Variants in GRM8 observed in about 807,000 individuals in gnomAD.
The protein encoded by GRM8 is glutamate metabotropic receptor 8.
In GRM8, 47 loss-of-function variants were observed where a neutral mutation model predicts 87.2. The observed-to-expected ratio is 0.54, with a 90% CI of 0.43 to 0.69. GRM8 has a LOEUF of 0.69. GRM8 is among the 30% of genes least tolerant of loss of function. The pLI, the probability that GRM8 is intolerant of heterozygous loss-of-function variation, is 0.00. For missense variants in GRM8, 1,019 were observed against 1,139.2 expected, an observed-to-expected ratio of 0.89 and a Z score of 1.52; for synonymous variants, 396 against 404.5, an observed-to-expected ratio of 0.98 and a Z score of 0.25.
In GRM8 at chr7:126,711,882, G is replaced by A. The variant is rs540255575; in HGVS notation, c.1357+57983C>T. Among the ~76,000 whole-genome samples the A allele has an allele frequency of 5.3e-5, 8 of 152,292 alleles. No individual in the cohort carries two copies. In the South Asian group the frequency reaches 1.2e-3, roughly 24 times the overall value. On this transcript the variant is annotated intron_variant, in intron 7 of 10. Transcript: ENST00000339582. ...ATAGAATTGAAGAGAGCAGGGCTTC[G>A]CTCTGGATTAGGCTTTGGTATAAAG... is the stretch of plus-strand genomic sequence containing the variant.
intron 2 of GRM8, among the ~76,000 whole-genome samples, chr7:127,109,899 A>G (rs1399408912): frequency 6.6e-6 from 1 of 152,100 alleles, no homozygotes; most frequent in Admixed American, 6.5e-5. Context: ...TATCCTGCCA[A>G]AGACCCTAGG....
chr7:126,728,561 T>C (rs1383316708), intron 7 of GRM8, among the ~76,000 whole-genome samples: 2 of 152,078 alleles, frequency 1.3e-5, no homozygotes, highest in Non-Finnish European at 2.9e-5. Context: ...ATACCCACAC[T>C]GGCTCTGGAG....
chr7:127,213,557 T>C (rs1796347891), intron 2 of GRM8, among the ~76,000 whole-genome samples: 1 of 152,244 alleles, frequency 6.6e-6, no homozygotes, highest in South Asian at 2.1e-4. Flanking sequence ...GACTCCATTC[T>C]ACTGAGCTCT....
At chr7:126,483,934 T>C (rs1807048991) in intron 9 of GRM8, among the ~76,000 whole-genome samples, 1 of 151,930 alleles carries the variant, frequency 6.6e-6, no homozygotes, top group Admixed American at 6.6e-5. Context: ...TATCTGTTAA[T>C]CAAATTTCTG....
At chr7:126,581,889 T>C (rs1585117408) in intron 8 of GRM8, among the ~76,000 whole-genome samples, 1 of 152,278 alleles carries the variant, frequency 6.6e-6, no homozygotes, top group East Asian at 1.9e-4. Context: ...AACTGATAAA[T>C]GTTGTGTGTT....
In GRM8 at chr7:126,585,013, A is replaced by T. The variant is rs1327842336; in HGVS notation, c.1494+24349T>A. ...AATTGAAAATAAAATGTTATTAATC[A>T]TATAAAGAAGATCTCTGAATTCTTA... On this transcript the variant is annotated intron_variant, in intron 8 of 10. Transcript: ENST00000339582. 2.0e-5 allele frequency among the ~76,000 whole-genome samples: 3 copies of T among 152,204 alleles called. No individual in the cohort carries two copies. The East Asian group carries it at 5.8e-4, about 29-fold the overall frequency.
chr7:127,160,439 T>TAC (rs946032314), intron 2 of GRM8, among the ~76,000 whole-genome samples: 1 of 152,084 alleles, frequency 6.6e-6, no homozygotes, highest in African/African-American at 2.4e-5. Context: ...CCAAGGCCAT[T>TAC]ACCTCAGAAA....
At chr7:126,663,707 A>T (rs1172853895) in intron 7 of GRM8, among the ~76,000 whole-genome samples, 2 of 152,208 alleles carry the variant, frequency 1.3e-5, no homozygotes, top group Non-Finnish European at 2.9e-5. Context: ...CAAAAGCTGG[A>T]TACATCCCCA....
At chr7:126,987,761 C>A (rs1288037232) in intron 3 of GRM8, among the ~76,000 whole-genome samples, 1 of 152,188 alleles carries the variant, frequency 6.6e-6, no homozygotes, top group Non-Finnish European at 1.5e-5. Flanking sequence ...CGGCGCCCGG[C>A]CTTCTTGTTT....
intron 8 of GRM8, among the ~76,000 whole-genome samples, chr7:126,599,425 G>A (rs1797522600): frequency 6.6e-6 from 1 of 152,040 alleles, no homozygotes; most frequent in Non-Finnish European, 1.5e-5. Flanking sequence ...TTTTGGCCTT[G>A]TAAAGATAAC....
At chr7:126,462,952 C>T (rs1259811329) in intron 9 of GRM8, among the ~76,000 whole-genome samples, 4 of 151,606 alleles carry the variant, frequency 2.6e-5, no homozygotes, top group Non-Finnish European at 5.9e-5. Context: ...AAAATGTGTA[C>T]TCCTTCTTCC....
chr7:127,115,000 A>AAT (rs1010043602), intron 2 of GRM8, among the ~76,000 whole-genome samples: 1 of 152,112 alleles, frequency 6.6e-6, no homozygotes, highest in African/African-American at 2.4e-5. Context: ...CATGAGCCCT[A>AAT]AGAGAGAGAG....
intron 6 of GRM8, among the ~76,000 whole-genome samples, chr7:126,848,104 A>T (rs1796874197): frequency 6.6e-6 from 1 of 152,176 alleles, no homozygotes; most frequent in South Asian, 2.1e-4. Context: ...ACTTGTTCTG[A>T]CCCTTTTCTC....
chr7:126,801,775 T>C (rs1409876433), intron 6 of GRM8, among the ~76,000 whole-genome samples: 1 of 152,046 alleles, frequency 6.6e-6, no homozygotes, highest in Non-Finnish European at 1.5e-5. Flanking sequence ...GCTCACCCTT[T>C]CAGAGCGACT....
intron 10 of GRM8, among the ~76,000 whole-genome samples, chr7:126,442,935 A>C (rs1172620668): frequency 2.0e-5 from 3 of 151,996 alleles, no homozygotes; most frequent in Non-Finnish European, 4.4e-5. Flanking sequence ...GATGGCAGAT[A>C]CCTCGCAAGA....
chr7:127,119,802 C>T (rs911010371), intron 2 of GRM8, among the ~76,000 whole-genome samples: 2 of 152,282 alleles, frequency 1.3e-5, no homozygotes, highest in African/African-American at 4.8e-5. Context: ...AATGAGAACT[C>T]ACTCTCCAAT....
At chr7:127,051,716 A>G (rs1388342761) in intron 3 of GRM8, among the ~76,000 whole-genome samples, 2 of 150,610 alleles carry the variant, frequency 1.3e-5, no homozygotes, top group African/African-American at 4.9e-5. Flanking sequence ...AACACAGAGA[A>G]ATCTCAAAAA....
At chr7:127,248,849 A>G (rs1450421200) in intron 1 of GRM8, among the ~76,000 whole-genome samples, 1 of 152,224 alleles carries the variant, frequency 6.6e-6, no homozygotes, top group African/African-American at 2.4e-5. Context: ...TGGCAAGCCT[A>G]TATGGAGAGC....
At chr7:126,581,926 C>T (rs938296448) in intron 8 of GRM8, among the ~76,000 whole-genome samples, 1 of 152,010 alleles carries the variant, frequency 6.6e-6, no homozygotes, top group Non-Finnish European at 1.5e-5. Flanking sequence ...CCCCCTGTTC[C>T]CCCATCTCTA....
Sources: gnomAD v4.1 joint callset for allele counts (sites outside exome capture counted in the v4.1 genomes callset) on GRCh38, gnomAD v4.1.1 for gene constraint, MANE v1.5 for transcripts, NCBI Gene and HGNC (gene_info 2026-07-23, HGNC 2026-07-21) for gene names.